The following ELOVL6 variants were observed in gnomAD, a reference collection of about 807,000 sequenced individuals.
ELOVL6 encodes ELOVL fatty acid elongase 6.
Under a neutral mutation model 31.7 loss-of-function variants are expected in ELOVL6, and 8 were observed. That is an observed-to-expected ratio of 0.25 (90% CI 0.15 to 0.45). The LOEUF is 0.45. Ranked by LOEUF, ELOVL6 falls within the 20% of genes least tolerant of loss-of-function variation. ELOVL6 has a pLI of 1.00. For synonymous variants in ELOVL6, 101 were observed against 117.7 expected, an observed-to-expected ratio of 0.86 and a Z score of 0.92; for missense variants, 126 against 326.4, an observed-to-expected ratio of 0.39 and a Z score of 4.73.
rs189400838 is a variant in ELOVL6, at chr4:110,064,904, A to G, written c.222-5150T>C. ...TGAATTTCTAGCATGACGTTGACAT[A>G]TAACACTAATCTCTAATCAGCCCTT... On this transcript the variant is annotated intron_variant, in intron 2 of 3. Transcript: ENST00000302274. 2.0e-5 allele frequency among the ~76,000 whole-genome samples: 3 copies of G among 152,354 alleles called. No individual in the cohort carries two copies. In the East Asian group the frequency reaches 5.8e-4, roughly 29 times the overall value.
At position 110,180,007 on chromosome 4, in the gene ELOVL6, G is replaced by T. The variant is rs139276871; in HGVS notation, c.89+18240C>A. Among the ~76,000 whole-genome samples, 902 of 152,306 alleles carry T rather than the reference G, an allele frequency of 5.9e-3. 1 individual carries two copies. Among genetic ancestry groups the T allele is most frequent in the Middle Eastern group, 0.01 (3 of 294 alleles). ...GTCTCTGGACACTGAATGCTCTGTG[G>T]GGAAGAAATATCAGCCATAAAATGT... On this transcript the variant is annotated intron_variant, in intron 1 of 3. Coordinates refer to ENST00000302274, the MANE Select transcript of ELOVL6 (RefSeq NM_024090.3).
intron 2 of ELOVL6, among the ~76,000 whole-genome samples, chr4:110,104,464 AAC>A (rs1385072960): frequency 6.6e-6 from 1 of 152,182 alleles, no homozygotes; most frequent in Non-Finnish European, 1.5e-5. Context: ...ATTATGGAAA[AAC>A]ACAGATCATA....
intron 2 of ELOVL6, among the ~76,000 whole-genome samples, chr4:110,068,641 G>A (rs556412255): frequency 3.5e-4 from 53 of 152,262 alleles, no homozygotes; most frequent in Non-Finnish European, 6.3e-4. Flanking sequence ...GGGTCTGAAC[G>A]TTTCTTAGAT....
intron 1 of ELOVL6, among the ~76,000 whole-genome samples, chr4:110,105,911 A>G (rs1203589193): frequency 6.6e-6 from 1 of 152,264 alleles, no homozygotes; most frequent in Non-Finnish European, 1.5e-5. Flanking sequence ...ATAGCATTGA[A>G]GTACAAAAAG....
chr4:110,059,588 G>A lies in ELOVL6; in HGVS notation c.373+15C>T. ...GCTACAAAGAGAGGGAGAGGAAATGGAAGAAGATACTCACCTAGTTCGGGT... is the reference window on the plus strand; with the variant it reads ...GCTACAAAGAGAGGGAGAGGAAATGAAAGAAGATACTCACCTAGTTCGGGT... On this transcript the variant is annotated intron_variant, in intron 3 of 3. Coordinates refer to ENST00000302274, the MANE Select transcript of ELOVL6 (RefSeq NM_024090.3). 6.2e-7 allele frequency: 1 copy of A among 1,607,968 alleles called. No homozygotes were observed. The highest frequency in any genetic ancestry group is 1.1e-5 in the South Asian group (1 of 89,892).
chr4:110,098,376 C>T (rs779625722), intron 2 of ELOVL6, among the ~76,000 whole-genome samples: 34 of 152,256 alleles, frequency 2.2e-4, no homozygotes, highest in Middle Eastern at 6.8e-3. Flanking sequence ...AATTGTTGCT[C>T]TTTCTTTTAA....
At chr4:110,189,592 C>CAA (rs761765202) in intron 1 of ELOVL6, among the ~76,000 whole-genome samples, 1,819 of 74,752 alleles carry the variant, frequency 0.024, 79 homozygotes, top group African/African-American at 0.04. Flanking sequence ...GACTCTGTCT[C>CAA]AAAAAAAAAA....
intron 2 of ELOVL6, among the ~76,000 whole-genome samples, chr4:110,063,852 T>A (rs1578447438): frequency 6.7e-6 from 1 of 149,786 alleles, no homozygotes; most frequent in Admixed American, 6.6e-5. Context: ...CCGAGGAGGG[T>A]GGATCACCTG....
chr4:110,084,428 T>TATATCATATATGATATATCACATATATG (rs1560815351), intron 2 of ELOVL6, among the ~76,000 whole-genome samples: 4 of 107,526 alleles, frequency 3.7e-5, no homozygotes, highest in East Asian at 2.3e-4. Flanking sequence ...ATATATCACA[T>TATATCATATATGATATATCACATATATG]ATATCATATA....
intron 1 of ELOVL6, among the ~76,000 whole-genome samples, chr4:110,176,037 TAAAA>T (rs35412689): frequency 2.1e-5 from 3 of 143,778 alleles, no homozygotes; most frequent in Non-Finnish European, 3.0e-5. Flanking sequence ...AGTGGTGAGT[TAAAA>T]AAAAAAAAAA....
At chr4:110,063,531 C>T (rs1289540861) in intron 2 of ELOVL6, among the ~76,000 whole-genome samples, 4 of 151,460 alleles carry the variant, frequency 2.6e-5, no homozygotes, top group South Asian at 2.1e-4. Context: ...AGCAAGTTTA[C>T]GACAGGATGT....
chr4:110,101,080 T>C (rs1279805918), intron 2 of ELOVL6, among the ~76,000 whole-genome samples: 1 of 152,178 alleles, frequency 6.6e-6, no homozygotes, highest in African/African-American at 2.4e-5. Flanking sequence ...TGCTCTGTAG[T>C]CCAGGCTGGA....
intron 1 of ELOVL6, among the ~76,000 whole-genome samples, chr4:110,107,509 C>A (rs1756921261): frequency 6.6e-6 from 1 of 152,180 alleles, no homozygotes; most frequent in African/African-American, 2.4e-5. Flanking sequence ...GATACATTTT[C>A]TTCCCCCAGA....
At chr4:110,084,469 T>TCGC (rs1560815517) in intron 2 of ELOVL6, among the ~76,000 whole-genome samples, 13 of 118,886 alleles carry the variant, frequency 1.1e-4, no homozygotes, top group Non-Finnish European at 1.6e-4. Context: ...ATATGATATA[T>TCGC]AACAATATAC....
intron 2 of ELOVL6, among the ~76,000 whole-genome samples, chr4:110,068,432 A>G (rs1317584141): frequency 6.6e-6 from 1 of 152,186 alleles, no homozygotes; most frequent in Non-Finnish European, 1.5e-5. Context: ...CCCGATAAAC[A>G]TGAGATGAGA....
Position 110,084,260 on chromosome 4 carries a change from G to GTGATATATAACATATATAA in ELOVL6, c.221+21236_221+21237insTTATATATGTTATATATCA, listed in dbSNP as rs1560814751. ...ACATATATGATATATATAACATATA[G>GTGATATATAACATATATAA]CTTATATGTGATATATAACATATAT... is the stretch of plus-strand genomic sequence containing the variant. On this transcript the variant is annotated intron_variant, in intron 2 of 3. Transcript: ENST00000302274. 2.4e-5 allele frequency among the ~76,000 whole-genome samples: 2 copies of GTGATATATAACATATATAA among 84,318 alleles called. 1 individual carries two copies. The highest frequency in any genetic ancestry group is 4.4e-5 in the Non-Finnish European group (2 of 45,320). The allele number at this position is 84,318 out of a possible 152,430, so 55.3% of individuals were successfully genotyped here.
intron 1 of ELOVL6, among the ~76,000 whole-genome samples, chr4:110,105,855 A>T (rs1226864272): frequency 6.6e-6 from 1 of 152,208 alleles, no homozygotes; most frequent in Non-Finnish European, 1.5e-5. Flanking sequence ...TCATGTCAGG[A>T]TAGATATATT....
At chr4:110,133,959 T>C (rs1424333025) in intron 1 of ELOVL6, among the ~76,000 whole-genome samples, 1 of 152,128 alleles carries the variant, frequency 6.6e-6, no homozygotes, top group Non-Finnish European at 1.5e-5. Flanking sequence ...TCCATAACGC[T>C]TTAACGCAGT....
At chr4:110,151,061 A>T (rs536270408) in intron 1 of ELOVL6, among the ~76,000 whole-genome samples, 15 of 152,086 alleles carry the variant, frequency 9.9e-5, no homozygotes, top group African/African-American at 3.1e-4. Context: ...AAAAAAATTT[A>T]AAATATAAAC....
Sources: allele counts gnomAD v4.1 joint callset (sites outside exome capture counted in the v4.1 genomes callset), GRCh38; gene constraint gnomAD v4.1.1; transcripts MANE v1.5; gene names NCBI Gene and HGNC (gene_info 2026-07-23, HGNC 2026-07-21).